DPH6: variants seen among roughly 807,000 people sequenced by gnomAD.
DPH6 encodes diphthine--ammonia ligase.
In DPH6, 33 loss-of-function variants were observed where a neutral mutation model predicts 38.2. The ratio of observed to expected loss-of-function variants is 0.86; its 90% CI spans 0.65 to 1.15. The LOEUF is 1.15. Ranked by LOEUF, DPH6 falls within the 50% of genes most tolerant of loss-of-function variation. The probability of loss-of-function intolerance (pLI) is 0.00; values close to 1 mark genes in which losing one functional copy is unlikely to be tolerated. For synonymous variants in DPH6, 108 were observed against 103.0 expected (o/e 1.05, Z -0.30); for missense variants, 325 against 320.0 (o/e 1.02, Z -0.12).
At chr15:35,313,327 C>A (rs2140830018) in intron 3 of DPH6, among the ~76,000 whole-genome samples, 1 of 150,340 alleles carries the variant, frequency 6.7e-6, no homozygotes, top group East Asian at 2.0e-4. Flanking sequence ...TGGAGTCTTT[C>A]ATGGTTTTAT....
intron 3 of DPH6, among the ~76,000 whole-genome samples, chr15:35,325,408 G>C (rs1203842000): frequency 1.3e-5 from 2 of 152,140 alleles, no homozygotes; most frequent in Non-Finnish European, 2.9e-5. Flanking sequence ...AAAAGAGTTT[G>C]GAGAAAGGGA....
At chr15:35,225,468 T>C (rs1417399840) in intron 3 of DPH6, among the ~76,000 whole-genome samples, 2 of 152,256 alleles carry the variant, frequency 1.3e-5, no homozygotes, top group African/African-American at 4.8e-5. Flanking sequence ...ATATGGTTTT[T>C]ATACTTTAAA....
At chr15:35,421,260 AT>A (rs892594064) in intron 5 of DPH6, among the ~76,000 whole-genome samples, 6 of 152,200 alleles carry the variant, frequency 3.9e-5, no homozygotes, top group Non-Finnish European at 8.8e-5. Flanking sequence ...GAAAACTAAC[AT>A]TGAAGAAGAG....
chr15:35,157,653 T>G, the DPH6 span, among the ~76,000 whole-genome samples: 1 of 152,088 alleles, frequency 6.6e-6, no homozygotes. Context: ...TCTGCTCCTA[T>G]GCATGTACAA....
At chr15:35,530,024 T>C (rs976544490) in intron 3 of DPH6, among the ~76,000 whole-genome samples, 4 of 152,158 alleles carry the variant, frequency 2.6e-5, no homozygotes, top group South Asian at 2.1e-4. Flanking sequence ...AAAGTTGTTA[T>C]AAAAAAATCA....
At chr15:35,183,198 C>G in the DPH6 span, among the ~76,000 whole-genome samples, 1 of 152,184 alleles carries the variant, frequency 6.6e-6, no homozygotes, top group South Asian at 2.1e-4. Context: ...ATTTTGCAAG[C>G]AAAGTATCTA....
chr15:35,531,368 T>C (rs1451854575), intron 3 of DPH6, among the ~76,000 whole-genome samples: 3 of 152,200 alleles, frequency 2.0e-5, no homozygotes, highest in Non-Finnish European at 4.4e-5. Context: ...ATGATGCCCA[T>C]TCCATTTAAG....
chr15:35,378,458 G>T (rs1224575732), intron 7 of DPH6, among the ~76,000 whole-genome samples: 1 of 152,062 alleles, frequency 6.6e-6, no homozygotes, highest in Non-Finnish European at 1.5e-5. Flanking sequence ...ACCATTTGAC[G>T]CAGCAATCCC....
chr15:35,383,343 C>A (rs2052897701), intron 6 of DPH6, among the ~76,000 whole-genome samples: 1 of 152,150 alleles, frequency 6.6e-6, no homozygotes, highest in Non-Finnish European at 1.5e-5. Context: ...TCTGGATGTA[C>A]CCAGTGATAT....
chr15:35,501,999 A>T (rs1226976401), intron 3 of DPH6, among the ~76,000 whole-genome samples: 1 of 152,178 alleles, frequency 6.6e-6, no homozygotes, highest in Non-Finnish European at 1.5e-5. Flanking sequence ...ATGACCTAGA[A>T]TTATGATGCT....
At chr15:35,475,497 A>G (rs2054253146) in intron 3 of DPH6, among the ~76,000 whole-genome samples, 1 of 152,026 alleles carries the variant, frequency 6.6e-6, no homozygotes, top group Non-Finnish European at 1.5e-5. Flanking sequence ...CCGACCAACT[A>G]TCCGGTGACC....
intron 3 of DPH6, among the ~76,000 whole-genome samples, chr15:35,244,258 G>GC (rs2051620306): frequency 6.6e-6 from 1 of 152,112 alleles, no homozygotes; most frequent in Non-Finnish European, 1.5e-5. Context: ...ATGGCATTTT[G>GC]CCCCCTTTCC....
At chr15:35,493,770 T>C (rs1317838693) in intron 3 of DPH6, among the ~76,000 whole-genome samples, 2 of 152,104 alleles carry the variant, frequency 1.3e-5, no homozygotes, top group East Asian at 1.9e-4. Context: ...GTTAGAATAA[T>C]GGTTTAGGAA....
At chr15:35,265,502 A>G (rs2051777530) in intron 3 of DPH6, among the ~76,000 whole-genome samples, 1 of 152,226 alleles carries the variant, frequency 6.6e-6, no homozygotes, top group African/African-American at 2.4e-5. Flanking sequence ...AAGGCATAGA[A>G]GGACAAGGTC....
chr15:35,546,136 C>G lies in DPH6; in HGVS notation c.6G>C (p.Arg2Ser), dbSNP rs1254953034. The change falls in exon 1 of 9, where the codon AGG (arginine) becomes AGC (serine). Residue 2 changes from arginine to serine, a missense_variant. Transcript: ENST00000256538. The part of the protein sequence containing the change: M[R>S]VAALISGGKD... ...CGCATTACCTGATCAGAGCCGCGAC[C>G]CTCATGCTGGGCGCAGTGCGCGTGC... The G allele has an allele frequency of 2.9e-6, 4 of 1,401,824 alleles. No individual in the cohort carries two copies. In the South Asian group the frequency reaches 4.9e-5, roughly 17 times the overall value. 86.8% of individuals were successfully genotyped at this position (1,401,824 alleles called of 1,614,324 possible).
intron 3 of DPH6, among the ~76,000 whole-genome samples, chr15:35,496,326 G>A (rs1246189535): frequency 5.3e-5 from 8 of 151,428 alleles, no homozygotes; most frequent in East Asian, 2.0e-4. Flanking sequence ...AGGCCGAGGC[G>A]GGTGAATCAC....
intron 3 of DPH6, among the ~76,000 whole-genome samples, chr15:35,480,645 C>T (rs965810378): frequency 6.6e-6 from 1 of 151,942 alleles, no homozygotes; most frequent in African/African-American, 2.4e-5. Flanking sequence ...ATAAAGCATA[C>T]TAATATTTAA....
At chr15:35,351,867 G>A (rs1403184422) in intron 3 of DPH6, among the ~76,000 whole-genome samples, 1 of 151,796 alleles carries the variant, frequency 6.6e-6, no homozygotes, top group South Asian at 2.1e-4. Context: ...GACCACTGGT[G>A]CTCACCAGCA....
the DPH6 span, among the ~76,000 whole-genome samples, chr15:35,192,326 A>G: frequency 6.6e-6 from 1 of 152,192 alleles, no homozygotes. Flanking sequence ...AGAAAGCAAC[A>G]CGTAAAGTTC....
Sources: allele counts gnomAD v4.1 joint callset (sites outside exome capture counted in the v4.1 genomes callset), GRCh38; gene constraint gnomAD v4.1.1; transcripts MANE v1.5; gene names NCBI Gene and HGNC (gene_info 2026-07-23, HGNC 2026-07-21).